CTNNA3: variants seen among roughly 807,000 people sequenced by gnomAD.
The protein encoded by CTNNA3 is catenin alpha 3.
In CTNNA3, 76 loss-of-function variants were observed where a neutral mutation model predicts 95.7. The observed-to-expected ratio is 0.79, with a 90% CI of 0.66 to 0.96. The LOEUF (loss-of-function observed/expected upper bound fraction) is 0.96. Ranked by LOEUF, CTNNA3 falls within the 40% of genes least tolerant of loss-of-function variation. The pLI is 0.00. For missense variants in CTNNA3, 1,191 were observed against 1,089.8 expected (o/e 1.09, Z -1.31); for synonymous variants, 431 against 374.4 (o/e 1.15, Z -1.74).
At chr10:67,462,660 G>A (rs947446162) in intron 5 of CTNNA3, among the ~76,000 whole-genome samples, 1 of 152,084 alleles carries the variant, frequency 6.6e-6, no homozygotes, top group African/African-American at 2.4e-5. Flanking sequence ...ATAATAAAAA[G>A]GTGTCTGCTA....
At chr10:66,628,952 G>A (rs901957418) in intron 9 of CTNNA3, among the ~76,000 whole-genome samples, 4 of 152,102 alleles carry the variant, frequency 2.6e-5, no homozygotes, top group Non-Finnish European at 5.9e-5. Flanking sequence ...ATATGATTAT[G>A]TGAGGAGAAA....
chr10:66,029,978 A>G (rs573716662), intron 15 of CTNNA3, among the ~76,000 whole-genome samples: 1 of 152,288 alleles, frequency 6.6e-6, no homozygotes, highest in African/African-American at 2.4e-5. Context: ...GAATCAGGCA[A>G]TTGAACAAAG....
chr10:66,198,346 C>A (rs2087098640), intron 13 of CTNNA3, among the ~76,000 whole-genome samples: 1 of 152,096 alleles, frequency 6.6e-6, no homozygotes, highest in Non-Finnish European at 1.5e-5. Flanking sequence ...ATCGGAAGGA[C>A]AACCCTTAGT....
At chr10:66,586,469 G>A (rs1160912695) in intron 10 of CTNNA3, among the ~76,000 whole-genome samples, 1 of 152,102 alleles carries the variant, frequency 6.6e-6, no homozygotes, top group East Asian at 1.9e-4. Flanking sequence ...CTGACCTGGT[G>A]TTCTAGCTTT....
intron 7 of CTNNA3, among the ~76,000 whole-genome samples, chr10:66,979,262 C>G (rs973665137): frequency 1.3e-5 from 2 of 152,052 alleles, no homozygotes; most frequent in Non-Finnish European, 1.5e-5. Flanking sequence ...GCCACCATGC[C>G]TGGTCATAAC....
intron 5 of CTNNA3, among the ~76,000 whole-genome samples, chr10:67,503,007 CTG>C (rs1371816692): frequency 2.0e-5 from 3 of 152,210 alleles, no homozygotes; most frequent in Non-Finnish European, 2.9e-5. Context: ...CCAGTTGTCA[CTG>C]GGGTATGAAA....
At chr10:67,005,979 C>T (rs190847591) in intron 7 of CTNNA3, among the ~76,000 whole-genome samples, 1 of 152,046 alleles carries the variant, frequency 6.6e-6, no homozygotes, top group African/African-American at 2.4e-5. Flanking sequence ...AGCCATCGCA[C>T]CCAACCTACT....
chr10:66,003,345 T>A (rs2078808789), intron 15 of CTNNA3, among the ~76,000 whole-genome samples: 2 of 151,898 alleles, frequency 1.3e-5, no homozygotes. Flanking sequence ...TGTGTGTGTG[T>A]GTGGAGAGAG....
intron 7 of CTNNA3, among the ~76,000 whole-genome samples, chr10:67,083,278 G>A (rs2131885803): frequency 6.6e-6 from 1 of 152,118 alleles, no homozygotes; most frequent in Non-Finnish European, 1.5e-5. Flanking sequence ...AAGCCAAATA[G>A]CTGCCTTTTC....
chr10:65,992,413 C>T (rs2078563867), intron 15 of CTNNA3, among the ~76,000 whole-genome samples: 1 of 152,044 alleles, frequency 6.6e-6, no homozygotes, highest in South Asian at 2.1e-4. Context: ...GTTACTGATT[C>T]AATCTACTGT....
At chr10:66,803,887 T>C (rs988526701) in intron 7 of CTNNA3, among the ~76,000 whole-genome samples, 1 of 151,898 alleles carries the variant, frequency 6.6e-6, no homozygotes, top group African/African-American at 2.4e-5. Flanking sequence ...GCATTTAACT[T>C]GCCAACAATT....
At chr10:66,478,156 G>A (rs1839391423) in intron 11 of CTNNA3, among the ~76,000 whole-genome samples, 1 of 152,030 alleles carries the variant, frequency 6.6e-6, no homozygotes, top group South Asian at 2.1e-4. Context: ...GTTCCAATTT[G>A]TTGTTTCTAG....
At chr10:67,664,785 C>G (rs751588852) in intron 1 of CTNNA3, among the ~76,000 whole-genome samples, 1 of 152,158 alleles carries the variant, frequency 6.6e-6, no homozygotes, top group Non-Finnish European at 1.5e-5. Flanking sequence ...TAAAGCCTTA[C>G]AACTTTAACT....
chr10:66,871,416 G>A (rs1844396498), intron 7 of CTNNA3, among the ~76,000 whole-genome samples: 1 of 151,976 alleles, frequency 6.6e-6, no homozygotes, highest in South Asian at 2.1e-4. Flanking sequence ...CAAAAAATTA[G>A]ATGGGCATGG....
chr10:67,489,110 A>G (rs557024438), intron 5 of CTNNA3, among the ~76,000 whole-genome samples: 2 of 152,294 alleles, frequency 1.3e-5, no homozygotes, highest in South Asian at 4.1e-4. Context: ...TCACATAGGT[A>G]AAAAACCAAA....
chr10:67,267,696 C>T lies in CTNNA3; in HGVS notation c.580-47826G>A, dbSNP rs369475931. Among the ~76,000 whole-genome samples, 20 of 152,182 alleles carry T rather than the reference C, an allele frequency of 1.3e-4. No homozygotes were observed. The East Asian group carries it at 3.5e-3, about 26-fold the overall frequency. On this transcript the variant is annotated intron_variant, in intron 5 of 17. Coordinates refer to ENST00000433211, the MANE Select transcript of CTNNA3 (RefSeq NM_013266.4). ...TTGAAACATCAAGAAAAACAGTATA[C>T]TGTGTGATATTTAGAAATATGAATA...
chr10:66,243,616 T>C (rs56159631), intron 13 of CTNNA3, among the ~76,000 whole-genome samples: 32,569 of 152,148 alleles, frequency 0.21, 3,672 homozygotes, highest in South Asian at 0.29. Flanking sequence ...CCAATGTACA[T>C]CTTACATGTA....
chr10:67,727,100 A>C, intron 1 of CTNNA3, among the ~76,000 whole-genome samples: 1 of 120,890 alleles, frequency 8.3e-6, no homozygotes, highest in African/African-American at 3.3e-5. Flanking sequence ...ATTATATATA[A>C]TATATGATAC....
intron 7 of CTNNA3, among the ~76,000 whole-genome samples, chr10:66,823,829 A>G (rs535220884): frequency 2.6e-5 from 4 of 152,156 alleles, no homozygotes; most frequent in South Asian, 2.1e-4. Flanking sequence ...GACAGACTCA[A>G]TGACACACTG....
Sources: gnomAD v4.1 joint callset for allele counts (sites outside exome capture counted in the v4.1 genomes callset) on GRCh38, gnomAD v4.1.1 for gene constraint, MANE v1.5 for transcripts, NCBI Gene and HGNC (gene_info 2026-07-23, HGNC 2026-07-21) for gene names.